The following KATNAL1 variants were observed in gnomAD, a reference collection of about 807,000 sequenced individuals.
KATNAL1 encodes the protein katanin p60 ATPase-containing subunit A-like 1.
KATNAL1 carries 32 observed loss-of-function variants against 55.2 expected under a neutral mutation model. That is an observed-to-expected ratio of 0.58 (90% CI 0.44 to 0.78). KATNAL1 has a LOEUF of 0.78. Among genes scored for constraint, KATNAL1 ranks in the 30% least tolerant of loss-of-function variants. KATNAL1 has a pLI of 0.00. For missense variants in KATNAL1, 466 were observed against 600.9 expected (o/e 0.78, Z 2.35); for synonymous variants, 193 against 193.6 (o/e 1.00, Z 0.02).
At chr13:30,276,861 G>C (rs1880883195) in intron 3 of KATNAL1, among the ~76,000 whole-genome samples, 1 of 152,150 alleles carries the variant, frequency 6.6e-6, no homozygotes, top group South Asian at 2.1e-4. Flanking sequence ...TTCTTGTTCA[G>C]ATGACTTTGG....
At chr13:30,237,312 T>C (rs1187534069) in intron 6 of KATNAL1, among the ~76,000 whole-genome samples, 1 of 152,190 alleles carries the variant, frequency 6.6e-6, no homozygotes, top group Non-Finnish European at 1.5e-5. Context: ...GAATCACATA[T>C]AAATCCTCAA....
chr13:30,271,878 G>GAAAAAAAAAAAAAAAAAAAA (rs71299873), intron 3 of KATNAL1, among the ~76,000 whole-genome samples: 35 of 76,718 alleles, frequency 4.6e-4, no homozygotes, highest in Non-Finnish European at 4.9e-4. Flanking sequence ...AAGAAAAGAG[G>GAAAAAAAAAAAAAAAAAAAA]AAAAAAAAAA....
chr13:30,292,548 T>C (rs1347957981), intron 1 of KATNAL1, among the ~76,000 whole-genome samples: 3 of 152,164 alleles, frequency 2.0e-5, no homozygotes, highest in Non-Finnish European at 4.4e-5. Context: ...ATACTGTATC[T>C]TCCAAGGCTG....
chr13:30,244,281 T>C (rs548454993), intron 4 of KATNAL1, among the ~76,000 whole-genome samples: 6 of 152,346 alleles, frequency 3.9e-5, no homozygotes, highest in Non-Finnish European at 5.9e-5. Context: ...TATGGCTGCA[T>C]AGTATTCCAT....
chr13:30,288,398 T>C (rs1338113105), intron 1 of KATNAL1, among the ~76,000 whole-genome samples: 1 of 152,196 alleles, frequency 6.6e-6, no homozygotes, highest in African/African-American at 2.4e-5. Flanking sequence ...TTCTAAAAAA[T>C]GCTGCTGAAA....
chr13:30,262,704 A>C (rs867745073), intron 3 of KATNAL1, among the ~76,000 whole-genome samples: 1 of 151,768 alleles, frequency 6.6e-6, no homozygotes, highest in Admixed American at 6.6e-5. Flanking sequence ...CAATAACAGG[A>C]GCTGAAATTG....
intron 5 of KATNAL1, 73 bp from the exon 6 acceptor site, chr13:30,240,638 A>G: frequency 9.6e-7 from 1 of 1,038,604 alleles, no homozygotes; most frequent in East Asian, 2.6e-5. Flanking sequence ...TAATTCTTTT[A>G]ATTTTTTTTT....
chr13:30,251,159 A>T (rs1200939672), intron 4 of KATNAL1, among the ~76,000 whole-genome samples: 2 of 151,836 alleles, frequency 1.3e-5, no homozygotes, highest in East Asian at 1.9e-4. Flanking sequence ...AAAAAAAAAA[A>T]TACTTGAGAA....
At chr13:30,244,397 A>G (rs1348000495) in intron 4 of KATNAL1, among the ~76,000 whole-genome samples, 1 of 152,120 alleles carries the variant, frequency 6.6e-6, no homozygotes, top group African/African-American at 2.4e-5. Context: ...ATACGTGTAC[A>G]TGTGTCTTTA....
chr13:30,213,119 C>T (rs1209052422), intron 9 of KATNAL1, among the ~76,000 whole-genome samples: 1 of 152,200 alleles, frequency 6.6e-6, no homozygotes, highest in East Asian at 1.9e-4. Context: ...AAAATACAAA[C>T]TACCATCAGA....
intron 9 of KATNAL1, among the ~76,000 whole-genome samples, chr13:30,216,061 GC>G (rs1270122293): frequency 6.6e-6 from 1 of 152,172 alleles, no homozygotes; most frequent in South Asian, 2.1e-4. Flanking sequence ...TGAGGTGGCA[GC>G]CTTATATGTG....
chr13:30,209,648 C>T (rs1380545420), intron 10 of KATNAL1, among the ~76,000 whole-genome samples: 2 of 152,232 alleles, frequency 1.3e-5, no homozygotes, highest in African/African-American at 4.8e-5. Flanking sequence ...CATTTTTGCT[C>T]ATTTGCATGT....
intron 1 of KATNAL1, chr13:30,306,807 C>G (rs1269046889): frequency 2.0e-5 from 3 of 152,296 alleles, no homozygotes; most frequent in South Asian, 2.1e-4. Flanking sequence ...TCAGAGGCGC[C>G]GAAGACCCGA....
At chr13:30,212,008 C>G (rs1034489196) in intron 9 of KATNAL1, among the ~76,000 whole-genome samples, 3 of 152,140 alleles carry the variant, frequency 2.0e-5, no homozygotes, top group Admixed American at 1.3e-4. Flanking sequence ...GAACAGCTGA[C>G]TATCCACAGG....
At chr13:30,260,833 G>A (rs1205366156) in intron 3 of KATNAL1, among the ~76,000 whole-genome samples, 1 of 147,676 alleles carries the variant, frequency 6.8e-6, no homozygotes, top group Non-Finnish European at 1.5e-5. Context: ...AATCTAGCAA[G>A]GCAGGCCAAC....
rs1263278517 is a variant in KATNAL1 at position 30,296,422 on chromosome 13, G to A, written c.-15+10909C>T. 85 of 906,050 alleles carry A rather than the reference G, an allele frequency of 9.4e-5. 3 individuals carry two copies. In the South Asian group the frequency reaches 1.1e-3, roughly 12 times the overall value. 56.1% of individuals were successfully genotyped at this position (906,050 alleles called of 1,614,324 possible). A position where few individuals can be genotyped will look rare whatever the true frequency, so the allele number is the denominator to read the frequency against. ...TGGCTTGGATTAACATCCCCCGGAA[G>A]GAGGGAGGCTTGGGCCCCCTGAACA... is the stretch of plus-strand genomic sequence containing the variant. On this transcript the variant is annotated intron_variant, in intron 1 of 10. Coordinates refer to ENST00000380615, the MANE Select transcript of KATNAL1 (RefSeq NM_032116.5).
chr13:30,265,051 T>C (rs1447943040), intron 3 of KATNAL1, among the ~76,000 whole-genome samples: 1 of 151,238 alleles, frequency 6.6e-6, no homozygotes, highest in Non-Finnish European at 1.5e-5. Flanking sequence ...CCATAAAAAA[T>C]GATGAGTTCA....
intron 1 of KATNAL1, among the ~76,000 whole-genome samples, chr13:30,298,660 AAG>A (rs1354852527): frequency 6.6e-6 from 1 of 152,178 alleles, no homozygotes; most frequent in African/African-American, 2.4e-5. Flanking sequence ...AATAATCAAA[AAG>A]AACTTCTGGC....
At position 30,205,812 on chromosome 13, in the gene KATNAL1, CTG is replaced by C. The variant is rs1219586089; in HGVS notation, c.*2726_*2727del. ...TGTCTCACGCCTATAAGGCAACACA[CTG>C]TCTTCTGCAATAAAGACTCTGTGTG... On this transcript the variant is annotated 3_prime_UTR_variant, in exon 11 of 11. Coordinates refer to ENST00000380615, the MANE Select transcript of KATNAL1 (RefSeq NM_032116.5). 2.0e-5 allele frequency: 3 copies of C among 147,038 alleles called. No homozygotes were observed. Among genetic ancestry groups the C allele is most frequent in the East Asian group, 3.9e-4 (2 of 5,074 alleles). The allele number at this position is 147,038 out of a possible 1,614,324, so 9.1% of individuals were successfully genotyped here.
Sources: gnomAD v4.1 joint callset for allele counts (sites outside exome capture counted in the v4.1 genomes callset) on GRCh38, gnomAD v4.1.1 for gene constraint, MANE v1.5 for transcripts, NCBI Gene and HGNC (gene_info 2026-07-23, HGNC 2026-07-21) for gene names.